ZFC3H1: variants seen among roughly 807,000 people sequenced by gnomAD.
ZFC3H1 encodes zinc finger C3H1 domain-containing protein.
A neutral mutation model predicts 243.7 loss-of-function variants in ZFC3H1; 71 were observed. The observed-to-expected ratio is 0.29, with a 90% CI of 0.24 to 0.36. The LOEUF is 0.36. Ranked by LOEUF, ZFC3H1 falls within the 10% of genes least tolerant of loss-of-function variation. The pLI, the probability that ZFC3H1 is intolerant of heterozygous loss-of-function variation, is 1.00. For synonymous variants in ZFC3H1, 838 were observed against 813.0 expected, an observed-to-expected ratio of 1.03 and a Z score of -0.52; for missense variants, 1,966 against 2,317.1, an observed-to-expected ratio of 0.85 and a Z score of 3.11.
In ZFC3H1 at chr12:71,632,989, A is replaced by G. The variant is rs373174191; in HGVS notation, c.2714T>C (p.Ile905Thr). Reference sequence around the variant, plus strand: ...ATATTTTAGAGTCAAAGCTTTCTTAATTGTAACACGCTGTTGAACTCTGTG... The same window carrying G: ...ATATTTTAGAGTCAAAGCTTTCTTAGTTGTAACACGCTGTTGAACTCTGTG... ...QIHRVQQRVTIKKALTLKYGE... is the reference protein window; with the variant it reads ...QIHRVQQRVTTKKALTLKYGE... The change falls in exon 14 of 35, where the codon ATT becomes ACT. Residue 905 changes from isoleucine to threonine, a missense_variant. Ile to Thr is a moderately conservative substitution (Grantham distance 89). Transcript: ENST00000378743. The G allele has an allele frequency of 6.2e-7, 1 of 1,612,614 alleles. No individual in the cohort carries two copies. The highest frequency in any genetic ancestry group is 8.5e-7 in the Non-Finnish European group (1 of 1,179,538).
At position 71,631,977 on chromosome 12, in the gene ZFC3H1, C is replaced by T; in HGVS notation, c.3355G>A (p.Gly1119Ser). ...AATATGAAATGTTCAGTTACCTGAC[C>T]ATGCAAAACCTTCTCTGTAATGCCT... ...TTGITEKVLH[G>S]QEISVDVDFV... Residue 1119 changes from glycine to serine, a missense_variant, in exon 15 of 35, where the codon GGT becomes AGT. Around this residue, in one of 4 missense-constraint regions of ZFC3H1, gnomAD observed 1,383 missense variants for 1,723.7 expected, o/e 0.80. Transcript: ENST00000378743. 1 of 1,597,480 alleles carries T rather than the reference C, an allele frequency of 6.3e-7. No individual in the cohort carries two copies. Among genetic ancestry groups the T allele is most frequent in the Non-Finnish European group, 8.5e-7 (1 of 1,173,640 alleles).
At chr12:71,614,004 T>C (rs1879835926) in intron 30 of ZFC3H1, among the ~76,000 whole-genome samples, 1 of 152,174 alleles carries the variant, frequency 6.6e-6, no homozygotes, top group Admixed American at 6.5e-5. Context: ...TTTTAAAAGA[T>C]AATCACAAAA....
intron 6 of ZFC3H1, among the ~76,000 whole-genome samples, chr12:71,640,123 G>A (rs1324145574): frequency 2.6e-5 from 4 of 152,186 alleles, no homozygotes; most frequent in African/African-American, 4.8e-5. Context: ...CCAGGTTCAA[G>A]CGATTCTCCT....
Position 71,635,532 on chromosome 12 carries a change from T to C in ZFC3H1, c.2149A>G (p.Ser717Gly). 6.4e-7 allele frequency: 1 copy of C among 1,565,088 alleles called. No homozygotes were observed. The highest frequency in any genetic ancestry group is 2.1e-5 in the Admixed American group (1 of 46,890). The change falls in exon 10 of 35, where the codon AGT (serine) becomes GGT (glycine). Residue 717 changes from serine (S) to glycine (G), a missense_variant. Ser to Gly is a moderately conservative substitution (Grantham distance 56). Coordinates refer to ENST00000378743, the MANE Select transcript of ZFC3H1 (RefSeq NM_144982.5). ...VVVTLNDSDD[S>G]ESDGEASKST... ...TTGGAAGCCTCTCCATCAGATTCAC[T>C]ATCATCTGAATCATTTAGTGTTACA...
chr12:71,662,092 T>A (rs1399880770), intron 1 of ZFC3H1, among the ~76,000 whole-genome samples: 1 of 152,218 alleles, frequency 6.6e-6, no homozygotes, highest in Non-Finnish European at 1.5e-5. Context: ...TTTGCAATGA[T>A]CACAGATTAA....
chr12:71,642,319 A>T, intron 6 of ZFC3H1, 117 bp downstream of exon 6: 1 of 1,150,292 alleles, frequency 8.7e-7, no homozygotes, highest in Non-Finnish European at 1.2e-6. Flanking sequence ...ATCGCCATAC[A>T]GTTCATCAGC....
chr12:71,611,702 T>G (rs1005166967), intron 32 of ZFC3H1, 84 bp downstream of exon 32: 4 of 396,984 alleles, frequency 1.0e-5, no homozygotes, highest in Non-Finnish European at 1.8e-5. Flanking sequence ...TATATATAGA[T>G]GTCATTTCAG....
At chr12:71,614,340 T>G (rs1173398408) in intron 30 of ZFC3H1, among the ~76,000 whole-genome samples, 195 bp downstream of exon 30, 1 of 152,168 alleles carries the variant, frequency 6.6e-6, no homozygotes. Context: ...TTAATGCACA[T>G]TTTAATTGTG....
chr12:71,613,408 GAAC>G lies in ZFC3H1; in HGVS notation c.5551_5553del (p.Val1851del). On this transcript the variant is annotated inframe_deletion, in exon 31 of 35. Coordinates refer to ENST00000378743, the MANE Select transcript of ZFC3H1 (RefSeq NM_144982.5). ...AAGGTTTTGGAATGCTGGGTCTTTG[GAAC>G]ACAGCTCAAATAAAAGAAAATAACC... 6.2e-7 allele frequency: 1 copy of G among 1,609,140 alleles called. No individual in the cohort carries two copies. The highest frequency in any genetic ancestry group is 8.5e-7 in the Non-Finnish European group (1 of 1,176,974).
chr12:71,648,827 T>C (rs544690977), intron 2 of ZFC3H1, among the ~76,000 whole-genome samples: 2 of 152,274 alleles, frequency 1.3e-5, no homozygotes, highest in African/African-American at 4.8e-5. Flanking sequence ...CAGTGGCTTA[T>C]GCCTGCAATC....
chr12:71,632,955 C>T lies in ZFC3H1; in HGVS notation c.2748G>A (p.Glu916=). 3 of 1,613,728 alleles carry T rather than the reference C, an allele frequency of 1.9e-6. No homozygotes were observed. Among genetic ancestry groups the T allele is most frequent in the Non-Finnish European group, 2.5e-6 (3 of 1,179,890 alleles). The change falls in exon 14 of 35, where the codon GAG becomes GAA. Residue 916 remains glutamate, a synonymous_variant. Transcript: ENST00000378743. ...TGGCCACTGCCTTTGCCCGAGCAAG[C>T]TCTTCTCCATATTTTAGAGTCAAAG... is the stretch of plus-strand genomic sequence containing the variant. ...KKALTLKYGE[E]LARAKAVASK... is the part of the protein sequence containing the mutation.
intron 6 of ZFC3H1, among the ~76,000 whole-genome samples, chr12:71,640,498 C>A (rs575835110): frequency 2.0e-5 from 3 of 152,356 alleles, no homozygotes; most frequent in Admixed American, 2.0e-4. Context: ...CAGATACAGG[C>A]TCAACCTGCT....
chr12:71,663,447 C>T lies in ZFC3H1; in HGVS notation c.164G>A (p.Arg55Gln), dbSNP rs992203366. Residue 55 changes from arginine (R) to glutamine (Q), a missense_variant, in exon 1 of 35, where the codon CGA becomes CAA. Arg to Gln is a conservative substitution (Grantham distance 43). Transcript: ENST00000378743. ...GCCCCGGGCCGAGTGAGGAGGCCTT[C>T]GCCGCGGATAGGGTAACAGCCCGCC... ...SGGGLLPYPR[R>Q]RPPHSARGGG... 1.9e-6 allele frequency: 3 copies of T among 1,612,212 alleles called. No homozygotes were observed. The highest frequency in any genetic ancestry group is 2.5e-6 in the Non-Finnish European group (3 of 1,180,034).
intron 32 of ZFC3H1, chr12:71,611,347 G>GA (rs1277014010): frequency 0.01 from 1,704 of 167,182 alleles, no homozygotes; most frequent in East Asian, 0.018. Context: ...GTTCACAGGA[G>GA]AAAAAAAAAA....
At chr12:71,637,223 TA>T (rs1416622399) in intron 7 of ZFC3H1, among the ~76,000 whole-genome samples, 164 bp from the exon 8 acceptor site, 1 of 152,034 alleles carries the variant, frequency 6.6e-6, no homozygotes, top group Non-Finnish European at 1.5e-5. Flanking sequence ...CAGAAATCAA[TA>T]GCCAACCACG....
chr12:71,652,564 T>C (rs1296502887), intron 2 of ZFC3H1, among the ~76,000 whole-genome samples: 1 of 152,224 alleles, frequency 6.6e-6, no homozygotes, highest in Admixed American at 6.5e-5. Context: ...AGATTCATCT[T>C]TCCAGATGTA....
intron 4 of ZFC3H1, among the ~76,000 whole-genome samples, chr12:71,644,604 G>A (rs917546672): frequency 1.3e-5 from 2 of 152,086 alleles, no homozygotes; most frequent in African/African-American, 2.4e-5. Flanking sequence ...ATCACCTGAC[G>A]TCAGGAGTTT....
intron 27 of ZFC3H1, among the ~76,000 whole-genome samples, chr12:71,616,275 T>A (rs1347281688): frequency 6.6e-6 from 1 of 152,176 alleles, no homozygotes; most frequent in Non-Finnish European, 1.5e-5. Context: ...CCAGCCCATG[T>A]TATAAAGTGA....
intron 27 of ZFC3H1, among the ~76,000 whole-genome samples, chr12:71,615,817 C>G (rs1422772111): frequency 6.6e-6 from 1 of 152,092 alleles, no homozygotes; most frequent in African/African-American, 2.4e-5. Flanking sequence ...TGCGCCTGGC[C>G]ACAGTTTTAT....
Sources: allele counts gnomAD v4.1 joint callset (sites outside exome capture counted in the v4.1 genomes callset), GRCh38; gene constraint gnomAD v4.1.1; regional missense constraint gnomAD v4.1.1; transcripts MANE v1.5; gene names NCBI Gene and HGNC (gene_info 2026-07-23, HGNC 2026-07-21).